The following PRKG1 variants were observed in gnomAD, a reference collection of about 807,000 sequenced individuals.
The protein encoded by PRKG1 is protein kinase cGMP-dependent 1.
In PRKG1, 35 loss-of-function variants were observed where a neutral mutation model predicts 88.1. That is an observed-to-expected ratio of 0.40 (90% CI 0.30 to 0.53). The LOEUF (loss-of-function observed/expected upper bound fraction) is 0.53. PRKG1 is among the 20% of genes least tolerant of loss of function. The pLI, the probability that PRKG1 is intolerant of heterozygous loss-of-function variation, is 0.59. For missense variants in PRKG1, 540 were observed against 839.8 expected (o/e 0.64, Z 4.41); for synonymous variants, 303 against 292.5 (o/e 1.04, Z -0.37).
chr10:52,119,826 C>A (rs946479865), intron 7 of PRKG1, among the ~76,000 whole-genome samples: 2 of 152,060 alleles, frequency 1.3e-5, no homozygotes, highest in African/African-American at 4.8e-5. Context: ...GGCCCCATAT[C>A]TTTTGAGAGC....
At chr10:51,271,921 G>A (rs147766626) in intron 2 of PRKG1, among the ~76,000 whole-genome samples, 1 of 152,110 alleles carries the variant, frequency 6.6e-6, no homozygotes, top group Admixed American at 6.5e-5. Context: ...ATAATTCTTT[G>A]GGTGTATACC....
intron 1 of PRKG1, among the ~76,000 whole-genome samples, chr10:51,003,038 C>T (rs1163996985): frequency 6.6e-6 from 1 of 152,084 alleles, no homozygotes; most frequent in Non-Finnish European, 1.5e-5. Context: ...TATAGAAATG[C>T]TCTCTGGGAC....
chr10:51,509,069 C>T (rs573384607), intron 3 of PRKG1, among the ~76,000 whole-genome samples: 1 of 152,160 alleles, frequency 6.6e-6, no homozygotes, highest in South Asian at 2.1e-4. Context: ...TATAAAAGAA[C>T]ATTAATATTC....
chr10:51,922,671 ATGTGT>A, intron 5 of PRKG1, among the ~76,000 whole-genome samples: 1 of 152,070 alleles, frequency 6.6e-6, no homozygotes, highest in South Asian at 2.1e-4. Context: ...TATTTTAAAA[ATGTGT>A]TGTTTAATTT....
intron 8 of PRKG1, among the ~76,000 whole-genome samples, chr10:52,138,953 A>G (rs1589641249): frequency 6.6e-6 from 1 of 152,136 alleles, no homozygotes; most frequent in East Asian, 1.9e-4. Flanking sequence ...CCCAAGGTCC[A>G]TAAATAATAA....
chr10:51,965,684 G>C (rs1021216465), intron 5 of PRKG1, among the ~76,000 whole-genome samples: 10 of 152,100 alleles, frequency 6.6e-5, no homozygotes, highest in African/African-American at 2.4e-4. Context: ...GGAGGCACCA[G>C]GCAGTAACAG....
intron 2 of PRKG1, among the ~76,000 whole-genome samples, chr10:51,380,255 A>C (rs1837042430): frequency 6.6e-6 from 1 of 152,178 alleles, no homozygotes; most frequent in Non-Finnish European, 1.5e-5. Context: ...TTTGCAAAAG[A>C]AAATTGCTAA....
chr10:51,731,642 G>A (rs1219244191), intron 3 of PRKG1, among the ~76,000 whole-genome samples: 2 of 152,148 alleles, frequency 1.3e-5, no homozygotes, highest in Non-Finnish European at 1.5e-5. Flanking sequence ...AAGTTAAAGT[G>A]TTTTTTGTGT....
intron 2 of PRKG1, among the ~76,000 whole-genome samples, chr10:51,447,488 A>G (rs563450697): frequency 6.6e-6 from 1 of 152,188 alleles, no homozygotes; most frequent in Non-Finnish European, 1.5e-5. Flanking sequence ...AAAAACCAAG[A>G]TAATCAGAAA....
chr10:51,854,142 A>G (rs1840623217), intron 4 of PRKG1, among the ~76,000 whole-genome samples: 1 of 152,082 alleles, frequency 6.6e-6, no homozygotes, highest in Non-Finnish European at 1.5e-5. Context: ...TTGATACACG[A>G]GTCATAGTCA....
At chr10:51,894,904 T>C (rs1457135736) in intron 4 of PRKG1, among the ~76,000 whole-genome samples, 1 of 152,186 alleles carries the variant, frequency 6.6e-6, no homozygotes, top group Non-Finnish European at 1.5e-5. Flanking sequence ...TATTTGTATG[T>C]TAGAGATGAG....
At chr10:51,737,129 G>T (rs1207350730) in intron 3 of PRKG1, among the ~76,000 whole-genome samples, 2 of 152,186 alleles carry the variant, frequency 1.3e-5, no homozygotes, top group Non-Finnish European at 2.9e-5. Context: ...TGACCACTGT[G>T]TACCTAAAGG....
At chr10:52,165,151 T>C (rs1054254932) in intron 9 of PRKG1, among the ~76,000 whole-genome samples, 2 of 152,104 alleles carry the variant, frequency 1.3e-5, no homozygotes, top group African/African-American at 4.8e-5. Flanking sequence ...AATAAATAAA[T>C]AAATACTGGA....
Position 51,908,656 on chromosome 10 carries a change from T to C in PRKG1, c.762+1086T>C, listed in dbSNP as rs554116074. The C allele has an allele frequency of 6.3e-4, 96 of 151,778 alleles. 1 individual carries two copies. The highest frequency in any genetic ancestry group is 2.2e-3 in the African/African-American group (92 of 41,420). 9.4% of individuals were successfully genotyped at this position (151,778 alleles called of 1,614,324 possible). A position where few individuals can be genotyped will look rare whatever the true frequency, so the allele number is the denominator to read the frequency against. The stretch of plus-strand genomic sequence containing the variant: ...GAACAATAGTGGTGACTTTGTTCAC[T>C]GTGGGAGAAGGAGATTGAAAAATCA... On this transcript the variant is annotated intron_variant, in intron 5 of 17. Transcript: ENST00000373980.
chr10:51,921,124 C>T (rs920709330), intron 5 of PRKG1, among the ~76,000 whole-genome samples: 2 of 152,030 alleles, frequency 1.3e-5, no homozygotes, highest in Admixed American at 6.6e-5. Context: ...CCCTAAAAAT[C>T]CTCTTCCACC....
chr10:52,166,787 C>CTATATATATATATATATATA (rs201538311), intron 9 of PRKG1, among the ~76,000 whole-genome samples: 3 of 12,464 alleles, frequency 2.4e-4, no homozygotes, highest in African/African-American at 3.0e-4. Flanking sequence ...ATAAAAAAGC[C>CTATATATATATATATATATA]TATATATATA....
intron 3 of PRKG1, among the ~76,000 whole-genome samples, chr10:51,776,065 A>C (rs959217259): frequency 1.3e-4 from 20 of 152,194 alleles, no homozygotes; most frequent in African/African-American, 4.8e-4. Context: ...ACTGAAACAA[A>C]AAGAAAATAT....
At chr10:51,006,042 C>T (rs1364712901) in intron 1 of PRKG1, among the ~76,000 whole-genome samples, 1 of 152,146 alleles carries the variant, frequency 6.6e-6, no homozygotes, top group East Asian at 1.9e-4. Context: ...GGGAGGTGTG[C>T]TTCCACTGAA....
chr10:51,925,571 T>A (rs1442193927), intron 5 of PRKG1, among the ~76,000 whole-genome samples: 1 of 152,164 alleles, frequency 6.6e-6, no homozygotes, highest in Admixed American at 6.6e-5. Context: ...TCCCAGCAAG[T>A]TAGGCTCTGG....
Sources: allele counts gnomAD v4.1 joint callset (sites outside exome capture counted in the v4.1 genomes callset), GRCh38; gene constraint gnomAD v4.1.1; transcripts MANE v1.5; gene names NCBI Gene and HGNC (gene_info 2026-07-23, HGNC 2026-07-21).